RNF216: variants seen among roughly 807,000 people sequenced by gnomAD.
RNF216 encodes the protein ring finger protein 216, also known as E3 ubiquitin-protein ligase RNF216.
A neutral mutation model predicts 110.8 loss-of-function variants in RNF216; 72 were observed. That is an observed-to-expected ratio of 0.65 (90% CI 0.54 to 0.79). RNF216 has a LOEUF of 0.79. Among genes scored for constraint, RNF216 ranks in the 30% least tolerant of loss-of-function variants. The probability of loss-of-function intolerance (pLI) is 0.00; values close to 1 mark genes in which losing one functional copy is unlikely to be tolerated. For synonymous variants in RNF216, 495 were observed against 407.5 expected (o/e 1.21, Z -2.59); for missense variants, 1,342 against 1,141.2 (o/e 1.18, Z -2.54).
intron 2 of RNF216, among the ~76,000 whole-genome samples, chr7:5,757,581 T>C (rs1345409743): frequency 6.6e-6 from 1 of 152,206 alleles, no homozygotes; most frequent in Non-Finnish European, 1.5e-5. Context: ...GTTACTGATA[T>C]ATGCAACAAC....
chr7:5,655,423 C>A (rs886834898), intron 13 of RNF216, among the ~76,000 whole-genome samples: 1 of 152,162 alleles, frequency 6.6e-6, no homozygotes, highest in African/African-American at 2.4e-5. Flanking sequence ...CACGGAGAAA[C>A]CCCATCTCTA....
Position 5,641,190 on chromosome 7 carries a change from C to T in RNF216, c.2346G>A (p.Gln782=). 6.2e-7 allele frequency: 1 copy of T among 1,614,182 alleles called. No homozygotes were observed. Among genetic ancestry groups the T allele is most frequent in the Non-Finnish European group, 8.5e-7 (1 of 1,180,042 alleles). The part of the protein sequence containing the change: ...QHPRSPGAPC[Q]ECSRCSLWTD... ...TCCAGAGAGAGCATCTTGAACACTC[C>T]TGGCAAGGGGCTCCTGGTGAGCGGG... is the stretch of plus-strand genomic sequence containing the variant. Residue 782 remains glutamine, a synonymous_variant, in exon 15 of 17, where the codon CAG becomes CAA. Coordinates refer to ENST00000389902, the MANE Select transcript of RNF216 (RefSeq NM_207111.4).
intron 13 of RNF216, among the ~76,000 whole-genome samples, chr7:5,693,663 T>C (rs986539233): frequency 6.6e-6 from 1 of 152,190 alleles, no homozygotes; most frequent in South Asian, 2.1e-4. Context: ...TGTAGGTCTT[T>C]TGATAAGAGG....
intron 13 of RNF216, among the ~76,000 whole-genome samples, chr7:5,692,092 C>G (rs1384327725): frequency 6.6e-6 from 1 of 152,218 alleles, no homozygotes; most frequent in East Asian, 1.9e-4. Flanking sequence ...AATAGAATGA[C>G]AGCAAGTAAG....
chr7:5,774,759 CTTTT>C (rs201172961), intron 1 of RNF216, among the ~76,000 whole-genome samples: 48 of 148,264 alleles, frequency 3.2e-4, no homozygotes, highest in South Asian at 8.6e-4. Flanking sequence ...TTCCAAGTTA[CTTTT>C]TTTTTTTTTA....
rs1166248339 is a variant in RNF216 at position 5,711,795 on chromosome 7, T to C, written c.2027A>G (p.Lys676Arg). Residue 676 changes from lysine to arginine, a missense_variant, in exon 13 of 17, where the codon AAG becomes AGG. Transcript: ENST00000389902. Reference protein sequence around the residue: ...SFPALLDSDVKRFSCPNPHCR... With the variant: ...SFPALLDSDVRRFSCPNPHCR... ...GTGAGGATTAGGACAGCTGAACCTC[T>C]TCACATCACTGTCCAACAGAGCCGG... The C allele has an allele frequency of 1.9e-6, 3 of 1,613,936 alleles. No individual in the cohort carries two copies. The highest frequency in any genetic ancestry group is 1.7e-6 in the Non-Finnish European group (2 of 1,179,942).
At chr7:5,769,855 G>A (rs1036191652) in intron 1 of RNF216, among the ~76,000 whole-genome samples, 2 of 150,398 alleles carry the variant, frequency 1.3e-5, no homozygotes, top group Admixed American at 1.3e-4. Flanking sequence ...TGGCCAACAT[G>A]GTGAAAACCT....
intron 13 of RNF216, among the ~76,000 whole-genome samples, chr7:5,673,858 C>CT (rs1373764529): frequency 6.0e-5 from 7 of 117,168 alleles, no homozygotes; most frequent in South Asian, 5.8e-4. Flanking sequence ...CTCTTTCTCT[C>CT]ATTTTTTTTT....
Position 5,768,564 on chromosome 7 carries a change from G to A in RNF216, c.-69-7426C>T, listed in dbSNP as rs11772087. On this transcript the variant is annotated intron_variant, in intron 1 of 16. Transcript: ENST00000389902. Reference sequence around the variant, plus strand: ...CACAAAACAGACTGTATGCCATGCCGTAACAAATTTTGAAGGCTTGAAATC... The same window carrying A: ...CACAAAACAGACTGTATGCCATGCCATAACAAATTTTGAAGGCTTGAAATC... 8.8e-3 allele frequency among the ~76,000 whole-genome samples: 1,334 copies of A among 152,010 alleles called. 9 individuals carry two copies. The highest frequency in any genetic ancestry group is 0.013 in the Non-Finnish European group (852 of 67,990).
intron 1 of RNF216, among the ~76,000 whole-genome samples, chr7:5,770,074 TG>T (rs1414519405): frequency 3.5e-5 from 4 of 114,974 alleles, no homozygotes; most frequent in African/African-American, 1.3e-4. Flanking sequence ...CGGCTGGGCG[TG>T]GTGGCTCACG....
intron 9 of RNF216, among the ~76,000 whole-genome samples, chr7:5,718,015 T>C (rs1177120950): frequency 6.6e-6 from 1 of 151,988 alleles, no homozygotes; most frequent in East Asian, 1.9e-4. Context: ...TAAATAAAAA[T>C]ACGTATACTT....
intron 13 of RNF216, among the ~76,000 whole-genome samples, chr7:5,679,368 A>C (rs1790508775): frequency 6.6e-6 from 1 of 152,260 alleles, no homozygotes; most frequent in Admixed American, 6.5e-5. Context: ...AGAATGGTGC[A>C]GAACAGGGCA....
Position 5,725,308 on chromosome 7 carries a change from A to C in RNF216, c.1504+16T>G, listed in dbSNP as rs1230886900. 7.0e-7 allele frequency: 1 copy of C among 1,422,978 alleles called. No homozygotes were observed. Among genetic ancestry groups the C allele is most frequent in the South Asian group, 1.1e-5 (1 of 87,080 alleles). The allele number at this position is 1,422,978 out of a possible 1,614,324, so 88.1% of individuals were successfully genotyped here. A position where few individuals can be genotyped will look rare whatever the true frequency, so the allele number is the denominator to read the frequency against. ...GTGTTGCAGCTACACACTGCCACCA[A>C]CACAGTTTGCATTACCTTGTTCAAA... On this transcript the variant is annotated intron_variant, in intron 8 of 16. Coordinates refer to ENST00000389902, the MANE Select transcript of RNF216 (RefSeq NM_207111.4).
intron 10 of RNF216, 125 bp downstream of exon 10, chr7:5,716,591 C>T (rs1324387372): frequency 1.2e-5 from 8 of 676,874 alleles, no homozygotes; most frequent in Admixed American, 1.1e-4. Flanking sequence ...CTTGGCTGAA[C>T]TGCAAACTCA....
At chr7:5,758,973 T>C (rs1391261212) in intron 2 of RNF216, among the ~76,000 whole-genome samples, 2 of 152,178 alleles carry the variant, frequency 1.3e-5, no homozygotes, top group Non-Finnish European at 2.9e-5. Flanking sequence ...CATATTCAAC[T>C]GTAAACCCCA....
intron 1 of RNF216, among the ~76,000 whole-genome samples, chr7:5,764,367 G>C (rs1796091454): frequency 6.6e-6 from 1 of 151,976 alleles, no homozygotes; most frequent in Non-Finnish European, 1.5e-5. Context: ...GACTCTTCAG[G>C]CTGGGCTTGG....
At chr7:5,711,973 C>G (rs1009638923) in intron 12 of RNF216, 134 bp from the exon 13 acceptor site, 2 of 698,968 alleles carry the variant, frequency 2.9e-6, no homozygotes, top group African/African-American at 1.8e-5. Context: ...CCTTAGTTTT[C>G]CTTAAAAACA....
chr7:5,776,964 G>T (rs1025564005), intron 1 of RNF216, among the ~76,000 whole-genome samples: 7 of 126,808 alleles, frequency 5.5e-5, no homozygotes, highest in Non-Finnish European at 8.5e-5. Context: ...AAGAAAGAAA[G>T]AAAAAGAAAG....
chr7:5,717,702 T>C (rs1793151408), intron 9 of RNF216, among the ~76,000 whole-genome samples: 1 of 152,198 alleles, frequency 6.6e-6, no homozygotes, highest in Non-Finnish European at 1.5e-5. Context: ...GAAAAATCCC[T>C]ATGAATTGCT....
Sources: gnomAD v4.1 joint callset for allele counts (sites outside exome capture counted in the v4.1 genomes callset) on GRCh38, gnomAD v4.1.1 for gene constraint, MANE v1.5 for transcripts, NCBI Gene and HGNC (gene_info 2026-07-23, HGNC 2026-07-21) for gene names.